DERL2: variants seen among roughly 807,000 people sequenced by gnomAD.
DERL2 encodes the protein derlin 2.
A neutral mutation model predicts 32.0 loss-of-function variants in DERL2; 13 were observed. The observed-to-expected ratio is 0.41, with a 90% CI of 0.26 to 0.65. The LOEUF (loss-of-function observed/expected upper bound fraction) is 0.65, where lower values mean the gene tolerates loss of function less well. Ranked by LOEUF, DERL2 falls within the 30% of genes least tolerant of loss-of-function variation. The pLI, the probability that DERL2 is intolerant of heterozygous loss-of-function variation, is 0.35. For synonymous variants in DERL2, 111 were observed against 104.7 expected (o/e 1.06, Z -0.37); for missense variants, 208 against 296.3 (o/e 0.70, Z 2.19).
chr17:5,484,282 T>G (rs570960496), intron 2 of DERL2, among the ~76,000 whole-genome samples: 1 of 152,230 alleles, frequency 6.6e-6, no homozygotes, highest in Non-Finnish European at 1.5e-5. Context: ...GTTTCGCTCT[T>G]GTCTCCCAGG....
chr17:5,476,197 AAAG>A (rs1253427924), intron 6 of DERL2, among the ~76,000 whole-genome samples: 2 of 152,196 alleles, frequency 1.3e-5, no homozygotes, highest in Admixed American at 6.6e-5. Context: ...AAACCTCACT[AAAG>A]AAGGAACCAT....
At chr17:5,480,245 A>G (rs1476089083) in intron 5 of DERL2, 101 bp from the exon 6 acceptor site, 40 of 1,226,226 alleles carry the variant, frequency 3.3e-5, no homozygotes, top group Non-Finnish European at 4.5e-5. Context: ...GAATGTCAAC[A>G]TAATTATTAA....
At chr17:5,485,610 A>C (rs1435511372) in intron 1 of DERL2, among the ~76,000 whole-genome samples, 1 of 152,158 alleles carries the variant, frequency 6.6e-6, no homozygotes, top group African/African-American at 2.4e-5. Flanking sequence ...AGACCCTGCC[A>C]CCGTTAGGGC....
intron 4 of DERL2, 59 bp from the exon 5 acceptor site, chr17:5,480,641 A>T: frequency 7.4e-7 from 1 of 1,359,286 alleles, no homozygotes; most frequent in South Asian, 1.8e-5. Context: ...AAGACTGAGC[A>T]GGAGAACTAA....
chr17:5,474,878 C>T lies in DERL2; in HGVS notation c.615-89G>A, dbSNP rs1486385865. On this transcript the variant is annotated intron_variant, in intron 6 of 6. Coordinates refer to ENST00000158771, the MANE Select transcript of DERL2 (RefSeq NM_016041.5). This position sits in a 1 kb window ranked among gnomAD's most constrained non-coding sequence, Gnocchi z 4.3. ...GTCAGTTCAGGCCCCATAGGGTTTCCACCAATAGGTAAGCATTACACCTGC... is the reference window on the plus strand; with the variant it reads ...GTCAGTTCAGGCCCCATAGGGTTTCTACCAATAGGTAAGCATTACACCTGC... 1.2e-6 allele frequency: 1 copy of T among 839,718 alleles called. No homozygotes were observed. Among genetic ancestry groups the T allele is most frequent in the African/African-American group, 1.8e-5 (1 of 57,068 alleles). 52.0% of individuals were successfully genotyped at this position (839,718 alleles called of 1,614,324 possible).
chr17:5,477,643 G>A (rs760809774), intron 6 of DERL2, among the ~76,000 whole-genome samples: 1 of 152,026 alleles, frequency 6.6e-6, no homozygotes, highest in Non-Finnish European at 1.5e-5. Flanking sequence ...TCTATGTGGT[G>A]GCTACATGAA....
intron 6 of DERL2, 79 bp downstream of exon 6, chr17:5,479,975 G>A: frequency 5.8e-6 from 5 of 857,428 alleles, no homozygotes; most frequent in Non-Finnish European, 9.6e-6. Context: ...CTAGGAGCTA[G>A]GGGAGCCAAA....
At chr17:5,475,769 G>A (rs576915197) in intron 6 of DERL2, among the ~76,000 whole-genome samples, 1 of 152,192 alleles carries the variant, frequency 6.6e-6, no homozygotes, top group South Asian at 2.1e-4. Flanking sequence ...GGAAATTCAG[G>A]CACATGGTAC....
chr17:5,480,804 TA>T, intron 4 of DERL2: 1 of 453,336 alleles, frequency 2.2e-6, no homozygotes, highest in Non-Finnish European at 3.8e-6. Flanking sequence ...TTCAAACAAA[TA>T]CTCTGCTTTC....
chr17:5,473,509 C>T lies in DERL2; in HGVS notation c.*1175G>A, dbSNP rs1286684871. 3 of 151,816 alleles carry T rather than the reference C, an allele frequency of 2.0e-5. No individual in the cohort carries two copies. Among genetic ancestry groups the T allele is most frequent in the African/African-American group, 7.3e-5 (3 of 41,308 alleles). 9.4% of individuals were successfully genotyped at this position (151,816 alleles called of 1,614,324 possible). A position where few individuals can be genotyped will look rare whatever the true frequency, so the allele number is the denominator to read the frequency against. On this transcript the variant is annotated 3_prime_UTR_variant, in exon 7 of 7. Coordinates refer to ENST00000158771, the MANE Select transcript of DERL2 (RefSeq NM_016041.5). Reference sequence around the variant, plus strand: ...TAACTAGCCAAAGACCCTGGAAGAACATATGCCTAGCTAACTGGTATCTGT... The same window carrying T: ...TAACTAGCCAAAGACCCTGGAAGAATATATGCCTAGCTAACTGGTATCTGT...
intron 6 of DERL2, among the ~76,000 whole-genome samples, chr17:5,478,235 C>T (rs1905518282): frequency 6.6e-6 from 1 of 151,898 alleles, no homozygotes; most frequent in Non-Finnish European, 1.5e-5. Flanking sequence ...ATAAGCAGAG[C>T]TTGGTGGTGT....
intron 2 of DERL2, among the ~76,000 whole-genome samples, chr17:5,483,854 T>C (rs1050820278): frequency 6.6e-6 from 1 of 152,186 alleles, no homozygotes; most frequent in Non-Finnish European, 1.5e-5. Flanking sequence ...TACAGCGCCA[T>C]GTGAGTATTG....
At chr17:5,478,968 T>G (rs1485741462) in intron 6 of DERL2, among the ~76,000 whole-genome samples, 1 of 152,150 alleles carries the variant, frequency 6.6e-6, no homozygotes, top group African/African-American at 2.4e-5. Flanking sequence ...TACAAGTACA[T>G]GCCACCATAT....
At chr17:5,477,052 T>C (rs1318391090) in intron 6 of DERL2, among the ~76,000 whole-genome samples, 1 of 152,106 alleles carries the variant, frequency 6.6e-6, no homozygotes, top group Non-Finnish European at 1.5e-5. Flanking sequence ...ACTGGTTACA[T>C]ATGAGGGGTA....
chr17:5,484,502 C>A (rs1219630018), intron 2 of DERL2, among the ~76,000 whole-genome samples: 1 of 152,266 alleles, frequency 6.6e-6, no homozygotes. Context: ...CCTGCCTCAG[C>A]CTCCCAAAGT....
In DERL2 at chr17:5,482,822, TA is replaced by T; in HGVS notation, c.219del (p.Phe73LeufsTer3). On this transcript the variant is annotated frameshift_variant, in exon 3 of 7. Coordinates refer to ENST00000158771, the MANE Select transcript of DERL2 (RefSeq NM_016041.5). LOFTEE classifies it high-confidence loss of function. Reference sequence around the variant, plus strand: ...AATAAAGGATACAGAAAAATCATGTTAAATAAAAAATTGAATCCAACTGGCC... The same window carrying T: ...AATAAAGGATACAGAAAAATCATGTTAATAAAAAATTGAATCCAACTGGCC... ...FFGPVGFNFL[F>X]NMIFLYRYCR... The T allele has an allele frequency of 6.7e-7, 1 of 1,503,286 alleles. No individual in the cohort carries two copies. Among genetic ancestry groups the T allele is most frequent in the Non-Finnish European group, 9.1e-7 (1 of 1,098,842 alleles). The allele number at this position is 1,503,286 out of a possible 1,614,324, so 93.1% of individuals were successfully genotyped here. A position where few individuals can be genotyped will look rare whatever the true frequency, so the allele number is the denominator to read the frequency against.
chr17:5,482,973 C>T, intron 2 of DERL2, 91 bp from the exon 3 acceptor site: 1 of 690,230 alleles, frequency 1.4e-6, no homozygotes, highest in South Asian at 1.9e-5. Context: ...CATCCTATGA[C>T]TGCGGTGGTT....
chr17:5,486,179 G>GCCCCCCCCCCCCCCCCCCCCCCCCCCC, upstream of DERL2: 1 of 1,540,444 alleles, frequency 6.5e-7, no homozygotes, highest in African/African-American at 1.4e-5. Context: ...ACCGTCGCCT[G>GCCCCCCCCCCCCCCCCCCCCCCCCCCC]CCCCACCCCC....
In DERL2 at chr17:5,484,528, G is replaced by A. The variant is rs144886342; in HGVS notation, c.159+623C>T. ...CTCCCAAAGTGCTGGGATTACAGGCGTGAGCCACTGTGCCCAGCCTCTTTT... is the reference window on the plus strand; with the variant it reads ...CTCCCAAAGTGCTGGGATTACAGGCATGAGCCACTGTGCCCAGCCTCTTTT... On this transcript the variant is annotated intron_variant, in intron 2 of 6. Coordinates refer to ENST00000158771, the MANE Select transcript of DERL2 (RefSeq NM_016041.5). 3.5e-3 allele frequency among the ~76,000 whole-genome samples: 536 copies of A among 152,362 alleles called. 3 individuals are homozygous for A. Among genetic ancestry groups the A allele is most frequent in the African/African-American group, 0.012 (499 of 41,582 alleles).
Sources: gnomAD v4.1 joint callset for allele counts (sites outside exome capture counted in the v4.1 genomes callset) on GRCh38, gnomAD v4.1.1 for gene constraint, Gnocchi (gnomAD v3.1) non-coding constraint, MANE v1.5 for transcripts, NCBI Gene and HGNC (gene_info 2026-07-23, HGNC 2026-07-21) for gene names.